The following HIP1R variants were observed in gnomAD, a reference collection of about 807,000 sequenced individuals.
HIP1R encodes the protein huntingtin-interacting protein 1-related protein.
Under a neutral mutation model 144.2 loss-of-function variants are expected in HIP1R, and 135 were observed. The ratio of observed to expected loss-of-function variants is 0.94; its 90% CI spans 0.81 to 1.08. HIP1R has a LOEUF of 1.08. HIP1R is among the 50% of genes least tolerant of loss of function. The probability of loss-of-function intolerance (pLI) is 0.00; values close to 1 mark genes in which losing one functional copy is unlikely to be tolerated. For synonymous variants in HIP1R, 698 were observed against 612.8 expected (o/e 1.14, Z -2.05); for missense variants, 1,462 against 1,432.8 (o/e 1.02, Z -0.33).
intron 7 of HIP1R, among the ~76,000 whole-genome samples, chr12:122,852,832 C>A (rs541937922): frequency 2.6e-5 from 4 of 152,092 alleles, no homozygotes; most frequent in African/African-American, 7.2e-5. Context: ...CATGGACATA[C>A]GTGTTGAAGA....
Position 122,856,063 on chromosome 12 carries a change from G to C in HIP1R, c.1212G>C (p.Lys404Asn), listed in dbSNP as rs780646392. 2 of 1,591,698 alleles carry C rather than the reference G, an allele frequency of 1.3e-6. No homozygotes were observed. The highest frequency in any genetic ancestry group is 2.3e-5 in the South Asian group (2 of 87,964). Residue 404 changes from lysine to asparagine, a missense_variant, in exon 14 of 32, where the codon AAG (lysine) becomes AAC (asparagine). Around this residue, in one of 2 missense-constraint regions of HIP1R, gnomAD observed 1,112 missense variants for 1,011.7 expected, o/e 1.10. Transcript: ENST00000253083. ...ELEEQRKQKQ[K>N]ALVDNEQLRH... is the part of the protein sequence containing the mutation. ...AGGAGCAGCGGAAGCAGAAGCAGAA[G>C]GCCCTGGTGGATAATGAGCAGCTCC...
rs138068677 is a variant in HIP1R at position 122,861,500 on chromosome 12, A to C, written c.3145A>C (p.Arg1049=). Residue 1049 remains arginine, a synonymous_variant, in exon 31 of 32, where the codon AGA becomes CGA. Transcript: ENST00000253083. ...GGCCCAGAAGCCCAGCGTGGCCCCCAGACAGGACCACCAGGTGCCGTCTGC... is the reference window on the plus strand; with the variant it reads ...GGCCCAGAAGCCCAGCGTGGCCCCCCGACAGGACCACCAGGTGCCGTCTGC... The part of the protein sequence containing the change: ...PLAQKPSVAP[R]QDHQLDKKDG... 4,238 of 1,611,178 alleles carry C rather than the reference A, an allele frequency of 2.6e-3. 9 individuals are homozygous for C. The highest frequency in any genetic ancestry group is 3.2e-3 in the Non-Finnish European group (3,755 of 1,179,002).
chr12:122,852,280 G>C (rs527921543), intron 7 of HIP1R, among the ~76,000 whole-genome samples: 53 of 152,338 alleles, frequency 3.5e-4, no homozygotes, highest in African/African-American at 1.2e-3. Flanking sequence ...CTCAGAGTTG[G>C]ACCCTTGTGC....
At chr12:122,857,738 A>G (rs944372667) in intron 18 of HIP1R, 2 of 267,652 alleles carry the variant, frequency 7.5e-6, no homozygotes, top group Non-Finnish European at 1.4e-5. Flanking sequence ...ATCCTTGCCA[A>G]TGCTTATTAT....
intron 1 of HIP1R, among the ~76,000 whole-genome samples, chr12:122,842,483 A>G (rs927005513): frequency 1.3e-5 from 2 of 152,070 alleles, no homozygotes; most frequent in African/African-American, 4.8e-5. Flanking sequence ...CCCAGTGGGG[A>G]TTTGCTGACA....
At chr12:122,854,261 C>T (rs1257554427) in intron 8 of HIP1R, 78 bp downstream of exon 8, 43 of 1,301,074 alleles carry the variant, frequency 3.3e-5, no homozygotes, top group Non-Finnish European at 4.3e-5. Context: ...AAAGGAAAAT[C>T]GAAAAATTAG....
intron 20 of HIP1R, 93 bp from the exon 21 acceptor site, chr12:122,858,741 TCCTC>T: frequency 1.1e-6 from 1 of 872,862 alleles, no homozygotes; most frequent in South Asian, 1.4e-5. Flanking sequence ...CCTTTCCTCT[TCCTC>T]CTCCTCCTGG....
At position 122,848,533 on chromosome 12, in the gene HIP1R, G is replaced by T. The variant is rs1208722732; in HGVS notation, c.225G>T (p.Pro75=). The T allele has an allele frequency of 6.2e-7, 1 of 1,613,176 alleles. No homozygotes were observed. The highest frequency in any genetic ancestry group is 1.7e-5 in the Admixed American group (1 of 60,004). Residue 75 remains proline, a synonymous_variant, in exon 3 of 32, where the codon CCG becomes CCT. Coordinates refer to ENST00000253083, the MANE Select transcript of HIP1R (RefSeq NM_003959.3). ...TCTGGTCCTACGCCATTGGGCTGCC[G>T]CTGCCCAGCAGCTCCATTCTCAGCT... ...FTFWSYAIGL[P]LPSSSILSWK...
intron 17 of HIP1R, 136 bp from the exon 18 acceptor site, chr12:122,856,885 A>G: frequency 2.0e-6 from 2 of 999,476 alleles, no homozygotes; most frequent in Non-Finnish European, 2.9e-6. Context: ...GACAGGACCT[A>G]CCGCTGGTCC....
chr12:122,861,801 G>T lies in HIP1R; in HGVS notation c.*48G>T. ...TGGCTGGTGACAGGCCTGGGCCTCT[G>T]CAACTGCCCTGACAGGACCGAGAGG... On this transcript the variant is annotated 3_prime_UTR_variant, in exon 32 of 32. Coordinates refer to ENST00000253083, the MANE Select transcript of HIP1R (RefSeq NM_003959.3). The T allele has an allele frequency of 6.3e-7, 1 of 1,578,400 alleles. No individual in the cohort carries two copies.
At chr12:122,844,575 C>T (rs968135282) in intron 1 of HIP1R, among the ~76,000 whole-genome samples, 1 of 152,220 alleles carries the variant, frequency 6.6e-6, no homozygotes, top group Non-Finnish European at 1.5e-5. Context: ...CCCTGCAGAG[C>T]CCTGGTCCCA....
intron 1 of HIP1R, among the ~76,000 whole-genome samples, chr12:122,846,523 A>G (rs1227998198): frequency 6.6e-6 from 1 of 152,090 alleles, no homozygotes; most frequent in African/African-American, 2.4e-5. Context: ...GGTGGATACG[A>G]GTTTGTTCAA....
chr12:122,846,257 TGG>T (rs2033209681), intron 1 of HIP1R, among the ~76,000 whole-genome samples: 1 of 152,142 alleles, frequency 6.6e-6, no homozygotes, highest in South Asian at 2.1e-4. Context: ...ACACAGGTTG[TGG>T]AATCAGACAG....
chr12:122,857,869 G>A (rs2033640723), intron 18 of HIP1R: 2 of 418,012 alleles, frequency 4.8e-6, no homozygotes, highest in Admixed American at 4.0e-5. Context: ...GGCCATTTGT[G>A]TATCTTTGGA....
Position 122,855,923 on chromosome 12 carries a change from G to A in HIP1R, c.1128+20G>A. 6.4e-7 allele frequency: 1 copy of A among 1,563,854 alleles called. No homozygotes were observed. The highest frequency in any genetic ancestry group is 8.7e-7 in the Non-Finnish European group (1 of 1,153,884). ...CTGGAGGTGCGGGGTGGGGATGGGT[G>A]GGGGCCAGGGCCCCTCACGGCCCAG... On this transcript the variant is annotated intron_variant, in intron 13 of 31. Transcript: ENST00000253083.
In HIP1R at chr12:122,835,556, C is replaced by T. The variant is rs1205029446; in HGVS notation, c.6C>T (p.Asn2=). 3 of 1,345,278 alleles carry T rather than the reference C, an allele frequency of 2.2e-6. No homozygotes were observed. Among genetic ancestry groups the T allele is most frequent in the African/African-American group, 3.1e-5 (2 of 65,238 alleles). 83.3% of individuals were successfully genotyped at this position (1,345,278 alleles called of 1,614,324 possible). M[N]SIKNVPARVL... is the part of the protein sequence containing the mutation. ...AAGCGGGCGGCGGCGGCAGGATGAA[C>T]AGCATCAAGAACGTGCCGGCGCGGG... is the stretch of plus-strand genomic sequence containing the variant. The change falls in exon 1 of 32, where the codon AAC becomes AAT. Residue 2 remains asparagine (N), a synonymous_variant. Coordinates refer to ENST00000253083, the MANE Select transcript of HIP1R (RefSeq NM_003959.3).
chr12:122,855,502 C>T lies in HIP1R; in HGVS notation c.994-49C>T, dbSNP rs368873044. ...GCCAGCCCTCCCTTTGCCCACTGCC[C>T]GGCCTGGAGGGCACAGGTGAGTGGG... On this transcript the variant is annotated intron_variant, in intron 11 of 31. Coordinates refer to ENST00000253083, the MANE Select transcript of HIP1R (RefSeq NM_003959.3). 1,732 of 1,548,798 alleles carry T rather than the reference C, an allele frequency of 1.1e-3. 3 individuals carry two copies. Among genetic ancestry groups the T allele is most frequent in the Non-Finnish European group, 1.3e-3 (1,442 of 1,146,586 alleles).
chr12:122,854,679 G>A (rs911049998), intron 8 of HIP1R, among the ~76,000 whole-genome samples: 34 of 152,206 alleles, frequency 2.2e-4, no homozygotes, highest in African/African-American at 5.5e-4. Flanking sequence ...AGATGTGGCC[G>A]CAGCGCCTTC....
At chr12:122,846,456 G>A (rs778207506) in intron 1 of HIP1R, among the ~76,000 whole-genome samples, 7 of 152,130 alleles carry the variant, frequency 4.6e-5, no homozygotes, top group African/African-American at 7.2e-5. Context: ...AGCTGCTGTC[G>A]TGAGCAATAT....
Sources: gnomAD v4.1 joint callset for allele counts (sites outside exome capture counted in the v4.1 genomes callset) on GRCh38, gnomAD v4.1.1 for gene constraint, gnomAD v4.1.1 regional missense constraint, MANE v1.5 for transcripts, NCBI Gene and HGNC (gene_info 2026-07-23, HGNC 2026-07-21) for gene names.